Variants in AK8 observed in about 807,000 individuals in gnomAD.
The protein encoded by AK8 is ATP-AMP transphosphorylase 8.
AK8 carries 44 observed loss-of-function variants against 54.6 expected under a neutral mutation model. The ratio of observed to expected loss-of-function variants is 0.81; its 90% confidence interval spans 0.63 to 1.04. AK8 has a LOEUF of 1.04. Among genes scored for constraint, AK8 ranks in the 50% least tolerant of loss-of-function variants. The probability of loss-of-function intolerance (pLI) is 0.00; values close to 1 mark genes in which losing one functional copy is unlikely to be tolerated. For missense variants in AK8, 555 were observed against 613.6 expected (o/e 0.90, Z 1.01); for synonymous variants, 239 against 245.6 (o/e 0.97, Z 0.25).
intron 5 of AK8, among the ~76,000 whole-genome samples, chr9:132,834,816 T>C (rs576694680): frequency 6.6e-6 from 1 of 152,122 alleles, no homozygotes; most frequent in South Asian, 2.1e-4. Context: ...AGGCCAATGA[T>C]CTCTAGGATA....
intron 11 of AK8, among the ~76,000 whole-genome samples, chr9:132,730,114 G>A (rs1836766629): frequency 6.6e-6 from 1 of 152,218 alleles, no homozygotes; most frequent in Non-Finnish European, 1.5e-5. Context: ...GCCTATGGGT[G>A]CCAAGCTGAC....
At chr9:132,802,537 C>T (rs1391971924) in intron 10 of AK8, among the ~76,000 whole-genome samples, 1 of 152,122 alleles carries the variant, frequency 6.6e-6, no homozygotes, top group African/African-American at 2.4e-5. Context: ...AGTAAGAAGG[C>T]AGGTGAAGCC....
chr9:132,877,954 CT>C, intron 1 of AK8: 1 of 1,242,262 alleles, frequency 8.0e-7, no homozygotes, highest in Non-Finnish European at 1.1e-6. Context: ...CTTCCTCCCC[CT>C]GGGTCCGCCT....
chr9:132,794,258 C>A (rs1479450061), intron 10 of AK8, among the ~76,000 whole-genome samples: 1 of 152,212 alleles, frequency 6.6e-6, no homozygotes, highest in African/African-American at 2.4e-5. Context: ...CCCATCCCTT[C>A]CCCTGCTTCA....
Position 132,814,698 on chromosome 9 carries a change from C to T in AK8, c.919G>A (p.Val307Met). The T allele has an allele frequency of 1.2e-6, 2 of 1,614,054 alleles. No individual in the cohort carries two copies. The highest frequency in any genetic ancestry group is 1.7e-6 in the Non-Finnish European group (2 of 1,180,020). The change falls in exon 10 of 13, where the codon GTG (valine) becomes ATG (methionine). Residue 307 changes from valine (V) to methionine (M), a missense_variant. Physicochemically the swap from Val to Met is conservative, Grantham distance 21 (BLOSUM62 1). Coordinates refer to ENST00000298545, the MANE Select transcript of AK8 (RefSeq NM_152572.3). ...TCGCCAAACGTGGTCCTATCTGCCA[C>T]AGCCTCTTTCAGCAGTTGCCCACAG... ...VCCGQLLKEA[V>M]ADRTTFGELI...
intron 5 of AK8, among the ~76,000 whole-genome samples, chr9:132,847,806 C>A (rs1408397839): frequency 6.6e-6 from 1 of 152,052 alleles, no homozygotes; most frequent in African/African-American, 2.4e-5. Context: ...CATGGTGAGA[C>A]CTTGTCTCTA....
intron 11 of AK8, among the ~76,000 whole-genome samples, chr9:132,740,585 C>T (rs373526964): frequency 8.7e-4 from 133 of 152,228 alleles, no homozygotes; most frequent in African/African-American, 2.9e-3. Context: ...GTAAGGTTCC[C>T]GACTACGCAG....
chr9:132,853,839 T>C (rs915029836), intron 5 of AK8, among the ~76,000 whole-genome samples: 7 of 132,190 alleles, frequency 5.3e-5, no homozygotes, highest in African/African-American at 1.1e-4. Flanking sequence ...GGCAAGCGCA[T>C]ATACTAAAAT....
Position 132,820,950 on chromosome 9 carries a change from T to C in AK8, c.889+2255A>G, listed in dbSNP as rs375743646. Among the ~76,000 whole-genome samples, 44 of 152,262 alleles carry C rather than the reference T, an allele frequency of 2.9e-4. 1 individual carries two copies. In the South Asian group the frequency reaches 8.1e-3, roughly 28 times the overall value. ...CATCTTGTATTTATCAAGAACACCTTTGAGAAATGTGAACTTTCTGAGATA... is the reference window on the plus strand; with the variant it reads ...CATCTTGTATTTATCAAGAACACCTCTGAGAAATGTGAACTTTCTGAGATA... On this transcript the variant is annotated intron_variant, in intron 9 of 12. Transcript: ENST00000298545.
intron 11 of AK8, among the ~76,000 whole-genome samples, chr9:132,734,907 T>A (rs1323273198): frequency 6.6e-6 from 1 of 152,162 alleles, no homozygotes; most frequent in Non-Finnish European, 1.5e-5. Context: ...GGCATGCGCC[T>A]GTAGTCCCAG....
At position 132,727,452 on chromosome 9, in the gene AK8, A is replaced by C; in HGVS notation, c.1202+2T>G. The C allele has an allele frequency of 6.2e-7, 1 of 1,613,922 alleles. No homozygotes were observed. The highest frequency in any genetic ancestry group is 8.5e-7 in the Non-Finnish European group (1 of 1,179,886). ...GCCAACCACCAGGAACACAGCACAA[A>C]CCTTTCCCCAGTGACTGGATCAATT... On this transcript the variant is annotated splice_donor_variant, in intron 12 of 12. Transcript: ENST00000298545. LOFTEE classifies it high-confidence loss of function.
At chr9:132,834,014 C>T (rs572151735) in intron 5 of AK8, among the ~76,000 whole-genome samples, 4 of 152,350 alleles carry the variant, frequency 2.6e-5, no homozygotes, top group East Asian at 1.9e-4. Flanking sequence ...CTCGCAGCTC[C>T]GACTGCAGAC....
At chr9:132,847,706 C>G (rs963042149) in intron 5 of AK8, among the ~76,000 whole-genome samples, 3 of 152,140 alleles carry the variant, frequency 2.0e-5, no homozygotes, top group East Asian at 3.9e-4. Flanking sequence ...GAGAGCCAGG[C>G]ATGGTGGCTC....
chr9:132,827,371 C>T (rs1288068547), intron 7 of AK8: 1 of 417,416 alleles, frequency 2.4e-6, no homozygotes, highest in Non-Finnish European at 4.4e-6. Context: ...CATCCCATCA[C>T]CCATTAGGTT....
intron 1 of AK8, among the ~76,000 whole-genome samples, chr9:132,875,795 C>T (rs1210021582): frequency 6.6e-6 from 1 of 152,244 alleles, no homozygotes; most frequent in Non-Finnish European, 1.5e-5. Flanking sequence ...GAGCCCTTGG[C>T]ACCCCAATAC....
At chr9:132,805,429 C>T (rs1390676513) in intron 10 of AK8, among the ~76,000 whole-genome samples, 6 of 152,222 alleles carry the variant, frequency 3.9e-5, no homozygotes, top group African/African-American at 1.4e-4. Flanking sequence ...CCTCCGGCAG[C>T]GCCCATTCTT....
At chr9:132,728,312 G>A (rs1836668804) in intron 11 of AK8, among the ~76,000 whole-genome samples, 1 of 152,204 alleles carries the variant, frequency 6.6e-6, no homozygotes, top group Non-Finnish European at 1.5e-5. Flanking sequence ...CACTCCTGGG[G>A]TTGGGACTCC....
chr9:132,843,037 GC>G (rs1198540941), intron 5 of AK8, among the ~76,000 whole-genome samples: 8 of 152,170 alleles, frequency 5.3e-5, no homozygotes, highest in Non-Finnish European at 1.0e-4. Flanking sequence ...AGCTGGTCCT[GC>G]CCCCACTCAA....
At chr9:132,829,099 A>G (rs1842003535) in intron 5 of AK8, among the ~76,000 whole-genome samples, 1 of 151,840 alleles carries the variant, frequency 6.6e-6, no homozygotes, top group Non-Finnish European at 1.5e-5. Context: ...TGGGATTATA[A>G]GCATGTGCCA....
Sources: gnomAD v4.1 joint callset for allele counts (sites outside exome capture counted in the v4.1 genomes callset) on GRCh38, gnomAD v4.1.1 for gene constraint, MANE v1.5 for transcripts, NCBI Gene and HGNC (gene_info 2026-07-23, HGNC 2026-07-21) for gene names.